Variants in DNAJC3 observed in about 807,000 individuals in gnomAD.
DNAJC3 encodes the protein dnaJ homolog subfamily C member 3.
DNAJC3 carries 38 observed loss-of-function variants against 68.6 expected under a neutral mutation model. That is an observed-to-expected ratio of 0.55 (90% confidence interval 0.43 to 0.73). DNAJC3 has a LOEUF of 0.73. DNAJC3 is among the 30% of genes least tolerant of loss of function. The pLI, the probability that DNAJC3 is intolerant of heterozygous loss-of-function variation, is 0.00. For missense variants in DNAJC3, 526 were observed against 591.9 expected, an observed-to-expected ratio of 0.89 and a Z score of 1.16; for synonymous variants, 203 against 204.0, an observed-to-expected ratio of 1.00 and a Z score of 0.04.
At chr13:95,703,924 T>G (rs1593963268) in intron 1 of DNAJC3, among the ~76,000 whole-genome samples, 2 of 152,170 alleles carry the variant, frequency 1.3e-5, no homozygotes, top group South Asian at 4.1e-4. Flanking sequence ...CTGTAACGTT[T>G]CATTAACCTT....
At chr13:95,706,810 A>C (rs1051224183) in intron 1 of DNAJC3, among the ~76,000 whole-genome samples, 2 of 152,264 alleles carry the variant, frequency 1.3e-5, no homozygotes, top group Admixed American at 6.5e-5. Context: ...CCCCTTTCAC[A>C]GGAGAAACTT....
In DNAJC3 at chr13:95,792,055, T is replaced by C. The variant is rs534958044; in HGVS notation, c.*1025T>C. On this transcript the variant is annotated 3_prime_UTR_variant, in exon 12 of 12. Coordinates refer to ENST00000602402, the MANE Select transcript of DNAJC3 (RefSeq NM_006260.5). ...TGTGGTGCCTCCCACGTGGGACCTG[T>C]CTGCTGGTATGTGTTAAACAGCAGA... The C allele has an allele frequency of 6.6e-6, 1 of 152,192 alleles. No individual in the cohort carries two copies. Among genetic ancestry groups the C allele is most frequent in the Non-Finnish European group, 1.5e-5 (1 of 68,028 alleles). 9.4% of individuals were successfully genotyped at this position (152,192 alleles called of 1,614,324 possible). A position where few individuals can be genotyped will look rare whatever the true frequency, so the allele number is the denominator to read the frequency against.
chr13:95,697,796 T>G (rs2139613821), intron 1 of DNAJC3, among the ~76,000 whole-genome samples: 1 of 151,460 alleles, frequency 6.6e-6, no homozygotes, highest in Non-Finnish European at 1.5e-5. Flanking sequence ...GTTTTTTTTT[T>G]TTTTTTTTTT....
intron 5 of DNAJC3, 102 bp from the exon 6 acceptor site, chr13:95,759,938 A>G: frequency 8.6e-7 from 1 of 1,168,810 alleles, no homozygotes; most frequent in Non-Finnish European, 1.2e-6. Context: ...TCAATTGAGA[A>G]TGTTTTATGT....
intron 4 of DNAJC3, among the ~76,000 whole-genome samples, chr13:95,736,328 C>G (rs1430213721): frequency 1.3e-5 from 2 of 151,394 alleles, no homozygotes; most frequent in East Asian, 1.9e-4. Flanking sequence ...TCCATATGAA[C>G]TTTAAAGTAG....
intron 1 of DNAJC3, among the ~76,000 whole-genome samples, chr13:95,701,226 C>T (rs1880579189): frequency 6.6e-6 from 1 of 152,088 alleles, no homozygotes; most frequent in African/African-American, 2.4e-5. Flanking sequence ...GTCACGCTAC[C>T]CCAAAATATG....
chr13:95,768,855 A>G (rs1371756197), intron 9 of DNAJC3, among the ~76,000 whole-genome samples: 1 of 152,040 alleles, frequency 6.6e-6, no homozygotes, highest in Non-Finnish European at 1.5e-5. Flanking sequence ...TGCATCTGTA[A>G]TCCCAGCTAC....
chr13:95,711,821 A>G (rs992732866), intron 2 of DNAJC3, among the ~76,000 whole-genome samples: 5 of 151,528 alleles, frequency 3.3e-5, no homozygotes, highest in African/African-American at 1.2e-4. Context: ...ATAACAGTAA[A>G]GATGTTAACG....
At chr13:95,690,907 C>A (rs535082360) in intron 1 of DNAJC3, among the ~76,000 whole-genome samples, 1 of 134,982 alleles carries the variant, frequency 7.4e-6, no homozygotes, top group Non-Finnish European at 1.6e-5. Flanking sequence ...GGCGGCTGGC[C>A]GGGCGGGGGG....
intron 9 of DNAJC3, among the ~76,000 whole-genome samples, chr13:95,768,382 T>C (rs1883066791): frequency 6.6e-6 from 1 of 152,172 alleles, no homozygotes; most frequent in African/African-American, 2.4e-5. Context: ...TAAACAATAT[T>C]GTGTGGGATA....
At chr13:95,741,625 T>G (rs1882147765) in intron 4 of DNAJC3, among the ~76,000 whole-genome samples, 1 of 152,014 alleles carries the variant, frequency 6.6e-6, no homozygotes, top group Non-Finnish European at 1.5e-5. Context: ...GGGCAGCAGT[T>G]GTGGCCTGGG....
intron 4 of DNAJC3, among the ~76,000 whole-genome samples, chr13:95,747,134 GTTACTC>G (rs1203497100): frequency 3.3e-5 from 5 of 152,168 alleles, no homozygotes; most frequent in Non-Finnish European, 7.4e-5. Flanking sequence ...TGAGCTGTCA[GTTACTC>G]TTAATCAGTG....
chr13:95,677,455 GGAGCCCGCGGCCTGGCTTGGGCCT>G (rs1013994121), intron 1 of DNAJC3, 118 bp downstream of exon 1: 238 of 1,051,602 alleles, frequency 2.3e-4, no homozygotes, highest in Non-Finnish European at 2.9e-4. Flanking sequence ...GAGCGCTGGG[GGAGCCCGCGGCCTGGCTTGGGCCT>G]GAGCCCGCGC....
intron 9 of DNAJC3, among the ~76,000 whole-genome samples, chr13:95,779,051 T>G (rs1273819913): frequency 1.3e-5 from 2 of 152,074 alleles, no homozygotes; most frequent in African/African-American, 4.8e-5. Flanking sequence ...TTTCCTTTTT[T>G]TGGTTGTTTT....
chr13:95,725,821 C>T (rs1451995072), intron 4 of DNAJC3, among the ~76,000 whole-genome samples: 3 of 106,668 alleles, frequency 2.8e-5, no homozygotes, highest in East Asian at 3.5e-4. Context: ...CTATCCCTCC[C>T]CCCTCCCCCC....
intron 7 of DNAJC3, among the ~76,000 whole-genome samples, chr13:95,762,482 T>A (rs1233294764): frequency 1.3e-5 from 2 of 152,176 alleles, no homozygotes; most frequent in African/African-American, 4.8e-5. Flanking sequence ...AGCTAGTCTG[T>A]CTCTTTTCCT....
intron 4 of DNAJC3, among the ~76,000 whole-genome samples, chr13:95,731,323 A>C (rs1485036407): frequency 6.6e-6 from 1 of 152,204 alleles, no homozygotes; most frequent in African/African-American, 2.4e-5. Context: ...TAGGAATCCC[A>C]GTACTGACTG....
intron 1 of DNAJC3, among the ~76,000 whole-genome samples, chr13:95,697,899 C>T (rs1260217641): frequency 2.0e-5 from 3 of 146,626 alleles, no homozygotes; most frequent in Non-Finnish European, 4.5e-5. Context: ...CATTGAGCTT[C>T]TTTACAATTC....
intron 4 of DNAJC3, among the ~76,000 whole-genome samples, chr13:95,731,547 T>G (rs539119857): frequency 1.3e-5 from 2 of 152,326 alleles, no homozygotes; most frequent in African/African-American, 4.8e-5. Flanking sequence ...CTGTATCTTT[T>G]GAGATGATTG....
Sources: gnomAD v4.1 joint callset for allele counts (sites outside exome capture counted in the v4.1 genomes callset) on GRCh38, gnomAD v4.1.1 for gene constraint, MANE v1.5 for transcripts, NCBI Gene and HGNC (gene_info 2026-07-23, HGNC 2026-07-21) for gene names.